Variants in FCRL6 observed in about 807,000 individuals in gnomAD.
FCRL6 encodes Fc receptor like 6, also known as Fc receptor-like protein 6.
FCRL6 carries 50 observed loss-of-function variants against 49.1 expected under a neutral mutation model. The observed-to-expected ratio is 1.02, with a 90% CI of 0.81 to 1.29. The LOEUF (loss-of-function observed/expected upper bound fraction) is 1.29. FCRL6 is among the 50% of genes most tolerant of loss of function. The pLI, the probability that FCRL6 is intolerant of heterozygous loss-of-function variation, is 0.00. For missense variants in FCRL6, 571 were observed against 518.5 expected (o/e 1.10, Z -0.98); for synonymous variants, 213 against 199.6 (o/e 1.07, Z -0.57).
rs985512572 is a variant in FCRL6, at chr1:159,815,791, C to G, written c.*130C>G. 12 of 1,178,640 alleles carry G rather than the reference C, an allele frequency of 1.0e-5. No homozygotes were observed. The highest frequency in any genetic ancestry group is 8.5e-5 in the Admixed American group (4 of 47,030). 73.0% of individuals were successfully genotyped at this position (1,178,640 alleles called of 1,614,324 possible). A position where few individuals can be genotyped will look rare whatever the true frequency, so the allele number is the denominator to read the frequency against. ...CCAGCATCACAGAGCCCCCTGAGCC[C>G]TTGTCCTGGTCAGGAGCACCTGAAC... On this transcript the variant is annotated 3_prime_UTR_variant, in exon 10 of 10. Coordinates refer to ENST00000368106, the MANE Select transcript of FCRL6 (RefSeq NM_001004310.3).
At chr1:159,809,973 G>T in intron 5 of FCRL6, 121 bp from the exon 6 acceptor site, 1 of 1,262,292 alleles carries the variant, frequency 7.9e-7, no homozygotes, top group Non-Finnish European at 1.1e-6. Context: ...CATCTATGAG[G>T]CTCCCCCAGG....
upstream of FCRL6, chr1:159,802,254 A>G: frequency 6.7e-6 from 4 of 600,390 alleles, no homozygotes; most frequent in Non-Finnish European, 1.2e-5. Context: ...GGAAATATCA[A>G]TTAGAGCTTT....
chr1:159,812,573 A>T (rs1663151587), intron 6 of FCRL6, among the ~76,000 whole-genome samples: 1 of 152,228 alleles, frequency 6.6e-6, no homozygotes, highest in South Asian at 2.1e-4. Context: ...AAGTTCTGTC[A>T]AACTCATGGA....
At chr1:159,809,756 C>T in intron 5 of FCRL6, 73 bp downstream of exon 5, 3 of 1,341,496 alleles carry the variant, frequency 2.2e-6, no homozygotes, top group Non-Finnish European at 2.1e-6. Context: ...CTCTGTGTAC[C>T]TCCCATCACG....
Position 159,814,310 on chromosome 1 carries a change from A to G in FCRL6, c.1147+18A>G. ...GAGTGAAGGTGAGTGATCTCAGGCC[A>G]AACTTGGTACCTTTGCAAACAGAAG... is the stretch of plus-strand genomic sequence containing the variant. On this transcript the variant is annotated intron_variant, in intron 8 of 9. Transcript: ENST00000368106. The G allele has an allele frequency of 6.2e-7, 1 of 1,609,290 alleles. No homozygotes were observed. Among genetic ancestry groups the G allele is most frequent in the Non-Finnish European group, 8.5e-7 (1 of 1,175,616 alleles).
intron 1 of FCRL6, 149 bp from the exon 2 acceptor site, chr1:159,806,447 G>T (rs916784413): frequency 6.6e-6 from 5 of 754,376 alleles, no homozygotes; most frequent in Non-Finnish European, 1.2e-5. Flanking sequence ...TTGGATGGTT[G>T]GATGGCTGTG....
In FCRL6 at chr1:159,813,249, C is replaced by G. The variant is rs1663187909; in HGVS notation, c.1010-240C>G. On this transcript the variant is annotated intron_variant, in intron 6 of 9. Transcript: ENST00000368106. ...GGCCCTCTTCATGCAAAAATGTGATCCATTCTTGCTGACCTTACTTCCTCC... is the reference window on the plus strand; with the variant it reads ...GGCCCTCTTCATGCAAAAATGTGATGCATTCTTGCTGACCTTACTTCCTCC... 6.6e-5 allele frequency among the ~76,000 whole-genome samples: 10 copies of G among 152,158 alleles called. No individual in the cohort carries two copies. In the South Asian group the frequency reaches 2.1e-3, roughly 32 times the overall value.
chr1:159,808,081 C>T (rs1662814848), intron 2 of FCRL6, 97 bp from the exon 3 acceptor site: 1 of 1,409,754 alleles, frequency 7.1e-7, no homozygotes, highest in Middle Eastern at 2.3e-4. Flanking sequence ...CCAAGGGCCT[C>T]CATCCCCAGC....
intron 3 of FCRL6, chr1:159,808,697 C>T: frequency 1.6e-6 from 1 of 610,262 alleles, no homozygotes; most frequent in South Asian, 2.0e-5. Context: ...TGGACCAGTC[C>T]AGGCTCACCC....
At chr1:159,807,414 G>A (rs1662764101) in intron 2 of FCRL6, among the ~76,000 whole-genome samples, 1 of 152,228 alleles carries the variant, frequency 6.6e-6, no homozygotes, top group African/African-American at 2.4e-5. Context: ...ATACAGGCTG[G>A]GGACAGATAC....
chr1:159,800,564 TG>T, upstream of FCRL6: 2 of 1,547,774 alleles, frequency 1.3e-6, no homozygotes, highest in South Asian at 2.4e-5. Flanking sequence ...TCAGGAGATC[TG>T]TTGGAAAGAG....
intron 6 of FCRL6, among the ~76,000 whole-genome samples, chr1:159,811,474 G>A (rs998637198): frequency 6.6e-6 from 1 of 152,202 alleles, no homozygotes; most frequent in Non-Finnish European, 1.5e-5. Flanking sequence ...AGCTGGACCA[G>A]CCTGATAATT....
At chr1:159,803,028 A>G (rs528304250) in intron 1 of FCRL6, among the ~76,000 whole-genome samples, 16 of 152,286 alleles carry the variant, frequency 1.1e-4, no homozygotes, top group African/African-American at 3.6e-4. Context: ...CCCTTTTCAA[A>G]TTGACTGTCT....
chr1:159,814,910 G>A (rs143052799), intron 8 of FCRL6, among the ~76,000 whole-genome samples: 1 of 152,284 alleles, frequency 6.6e-6, no homozygotes, highest in African/African-American at 2.4e-5. Flanking sequence ...TGTTGACTTG[G>A]CAAGTCAAGT....
chr1:159,808,573 C>A (rs111529495), intron 3 of FCRL6, 129 bp downstream of exon 3: 40,310 of 1,114,820 alleles, frequency 0.036, 1,847 homozygotes, highest in African/African-American at 0.17. Flanking sequence ...ATGTGTGGGG[C>A]CCCGAGGTTT....
At chr1:159,806,032 G>A (rs1043261581) in intron 1 of FCRL6, among the ~76,000 whole-genome samples, 3 of 152,214 alleles carry the variant, frequency 2.0e-5, no homozygotes, top group East Asian at 1.9e-4. Flanking sequence ...CACAGACTAT[G>A]TTCCAGGCAC....
At position 159,809,196 on chromosome 1, in the gene FCRL6, G is replaced by C; in HGVS notation, c.555G>C (p.Glu185Asp). 1 of 1,597,924 alleles carries C rather than the reference G, an allele frequency of 6.3e-7. No individual in the cohort carries two copies. Among genetic ancestry groups the C allele is most frequent in the Middle Eastern group, 1.8e-4 (1 of 5,652 alleles). Reference sequence around the variant, plus strand: ...TTTACTGGTGTGAGGTGGCCCCTGAGGGTGGCCAGGTCCAGAAGCAGAGCC... The same window carrying C: ...TTTACTGGTGTGAGGTGGCCCCTGACGGTGGCCAGGTCCAGAAGCAGAGCC... ...SGLYWCEVAP[E>D]GGQVQKQSPQ... The change falls in exon 4 of 10, where the codon GAG becomes GAC. Residue 185 changes from glutamate (E) to aspartate (D), a missense_variant. Coordinates refer to ENST00000368106, the MANE Select transcript of FCRL6 (RefSeq NM_001004310.3).
chr1:159,806,602 G>C lies in FCRL6; in HGVS notation c.38G>C (p.Cys13Ser). 6.2e-7 allele frequency: 1 copy of C among 1,613,826 alleles called. No individual in the cohort carries two copies. Among genetic ancestry groups the C allele is most frequent in the Non-Finnish European group, 8.5e-7 (1 of 1,179,678 alleles). Residue 13 changes from cysteine to serine, a missense_variant, in exon 2 of 10, where the codon TGT becomes TCT. Coordinates refer to ENST00000368106, the MANE Select transcript of FCRL6 (RefSeq NM_001004310.3). ...TTACTTTGTTCTCTTGCAGTTCCCTGTGTTGGGAAAACTGGTAAGTTGTGT... is the reference window on the plus strand; with the variant it reads ...TTACTTTGTTCTCTTGCAGTTCCCTCTGTTGGGAAAACTGGTAAGTTGTGT... ...LWTAVLLFVP[C>S]VGKTVWLYLQ...
upstream of FCRL6, among the ~76,000 whole-genome samples, chr1:159,800,785 T>C (rs542471926): frequency 7.9e-5 from 12 of 152,356 alleles, no homozygotes; most frequent in East Asian, 2.3e-3. Flanking sequence ...TGTCCATTCC[T>C]GGCCTCAGCA....
Sources: gnomAD v4.1 joint callset for allele counts (sites outside exome capture counted in the v4.1 genomes callset) on GRCh38, gnomAD v4.1.1 for gene constraint, MANE v1.5 for transcripts, NCBI Gene and HGNC (gene_info 2026-07-23, HGNC 2026-07-21) for gene names.